The following RTN4 variants were observed in gnomAD, a reference collection of about 807,000 sequenced individuals.
The protein encoded by RTN4 is reticulon-4.
Under a neutral mutation model 90.4 loss-of-function variants are expected in RTN4, and 32 were observed. The ratio of observed to expected loss-of-function variants is 0.35; its 90% CI spans 0.27 to 0.48. The LOEUF is 0.48. RTN4 is among the 20% of genes least tolerant of loss of function. The pLI is 0.99. For missense variants in RTN4, 1,706 were observed against 1,430.2 expected (o/e 1.19, Z -3.11); for synonymous variants, 629 against 552.5 (o/e 1.14, Z -1.94).
chr2:55,126,053 T>C, the RTN4 span, among the ~76,000 whole-genome samples: 3 of 100,040 alleles, frequency 3.0e-5, no homozygotes, highest in Admixed American at 1.4e-4. Flanking sequence ...AGAGCGAGAC[T>C]CCGTCTCAAA....
At chr2:55,016,322 C>G (rs1263812675) in intron 3 of RTN4, among the ~76,000 whole-genome samples, 1 of 152,134 alleles carries the variant, frequency 6.6e-6, no homozygotes, top group East Asian at 1.9e-4. Flanking sequence ...CTGGTTCATG[C>G]CTTTAATCCC....
At chr2:54,988,931 G>T (rs921204580) in intron 3 of RTN4, among the ~76,000 whole-genome samples, 3 of 152,138 alleles carry the variant, frequency 2.0e-5, no homozygotes, top group African/African-American at 7.2e-5. Flanking sequence ...TTCATAGGCT[G>T]ATGTAATTAA....
rs141079866 is a variant in RTN4, at chr2:55,025,265, G to A, written c.2834C>T (p.Thr945Ile). Residue 945 changes from threonine to isoleucine, a missense_variant, in exon 3 of 9, where the codon ACA becomes ATA. Physicochemically the swap from Thr to Ile is moderately conservative, Grantham distance 89. Transcript: ENST00000337526. ...TGGAGGCAATAAGAGCACCTTTGATGTAGCAGACCCATTTTTAGAAAAGTC... is the reference window on the plus strand; with the variant it reads ...TGGAGGCAATAAGAGCACCTTTGATATAGCAGACCCATTTTTAGAAAAGTC... ...SDDFSKNGSA[T>I]SKVLLLPPDV... is the part of the protein sequence containing the mutation. 482 of 1,613,760 alleles carry A rather than the reference G, an allele frequency of 3.0e-4. No individual in the cohort carries two copies. The highest frequency in any genetic ancestry group is 3.9e-4 in the Non-Finnish European group (458 of 1,179,862).
At position 55,068,063 on chromosome 2, in the gene RTN4, A is replaced by G. The variant is rs537918663; in HGVS notation, c.-63+12426T>C. On this transcript the variant is annotated intron_variant, in intron 2 of 3. Coordinates refer to the RTN4 transcript ENST00000427710. ...TGTTGAAATCTGTTGTTTTGGTTGAAGTATATGAAGAAAATTTGGCCTTAA... is the reference window on the plus strand; with the variant it reads ...TGTTGAAATCTGTTGTTTTGGTTGAGGTATATGAAGAAAATTTGGCCTTAA... Among the ~76,000 whole-genome samples the G allele has an allele frequency of 2.0e-5, 3 of 152,322 alleles. No homozygotes were observed. In the South Asian group the frequency reaches 6.2e-4, roughly 32 times the overall value.
upstream of RTN4, among the ~76,000 whole-genome samples, chr2:55,113,080 A>G (rs1243543697): frequency 1.3e-5 from 2 of 152,108 alleles, no homozygotes; most frequent in African/African-American, 2.4e-5. Context: ...GGCCCCAAAA[A>G]CCACCAGCAC....
intron 3 of RTN4, among the ~76,000 whole-genome samples, chr2:55,004,812 T>C (rs1680090608): frequency 6.6e-6 from 1 of 151,816 alleles, no homozygotes; most frequent in Non-Finnish European, 1.5e-5. Context: ...TAAATAATTG[T>C]AATAGAAAGT....
intron 1 of RTN4, among the ~76,000 whole-genome samples, chr2:55,091,200 A>G (rs1668929482): frequency 6.6e-6 from 1 of 152,130 alleles, no homozygotes; most frequent in Admixed American, 6.6e-5. Flanking sequence ...ATTTACAATC[A>G]TTCATGGCTT....
At chr2:55,006,885 A>G (rs1680266726) in intron 3 of RTN4, among the ~76,000 whole-genome samples, 1 of 152,044 alleles carries the variant, frequency 6.6e-6, no homozygotes, top group Non-Finnish European at 1.5e-5. Flanking sequence ...AGACCTCCAT[A>G]ACGCAGGTTT....
intron 3 of RTN4, among the ~76,000 whole-genome samples, chr2:54,998,752 T>A (rs1272950010): frequency 6.6e-6 from 1 of 152,180 alleles, no homozygotes; most frequent in Non-Finnish European, 1.5e-5. Flanking sequence ...CAAATTAAAA[T>A]AAAGGACACC....
At chr2:55,096,858 G>A (rs952261572) in intron 1 of RTN4, among the ~76,000 whole-genome samples, 6 of 150,834 alleles carry the variant, frequency 4.0e-5, no homozygotes, top group African/African-American at 9.8e-5. Flanking sequence ...CAAAAAATAC[G>A]AAGAAAGGCT....
At chr2:55,132,985 G>T in the RTN4 span, among the ~76,000 whole-genome samples, 2 of 151,946 alleles carry the variant, frequency 1.3e-5, no homozygotes, top group Admixed American at 6.6e-5. Context: ...GCCGAGGCAG[G>T]TGGATCACTT....
upstream of RTN4, among the ~76,000 whole-genome samples, chr2:55,115,482 G>A (rs1255912915): frequency 6.6e-6 from 1 of 152,180 alleles, no homozygotes; most frequent in Non-Finnish European, 1.5e-5. Flanking sequence ...TTAGGATGTG[G>A]ACATCTATGG....
intron 1 of RTN4, among the ~76,000 whole-genome samples, chr2:55,038,599 A>G (rs1169918334): frequency 6.6e-6 from 1 of 152,264 alleles, no homozygotes; most frequent in Non-Finnish European, 1.5e-5. Context: ...TAAAATGGTT[A>G]GAATTTAAAA....
At position 54,972,845 on chromosome 2, in the gene RTN4, C is replaced by T. The variant is rs943665199; in HGVS notation, c.*311G>A. On this transcript the variant is annotated 3_prime_UTR_variant, in exon 9 of 9. Transcript: ENST00000337526. ...ACCATCTCTGCAACTTGCCAAGATG[C>T]GGCAAGACTATCTGCAACAAAGTAA... is the stretch of plus-strand genomic sequence containing the variant. The T allele has an allele frequency of 8.2e-6, 2 of 243,168 alleles. No individual in the cohort carries two copies. The highest frequency in any genetic ancestry group is 5.6e-5 in the Admixed American group (1 of 17,936). 15.1% of individuals were successfully genotyped at this position (243,168 alleles called of 1,614,324 possible). A position where few individuals can be genotyped will look rare whatever the true frequency, so the allele number is the denominator to read the frequency against.
intron 4 of RTN4, among the ~76,000 whole-genome samples, chr2:54,986,600 G>C: frequency 6.6e-6 from 1 of 152,140 alleles, no homozygotes; most frequent in East Asian, 1.9e-4. Flanking sequence ...CTTTATATGA[G>C]ATGAAAACAA....
At chr2:55,030,059 CT>C (rs1682192000) in intron 1 of RTN4, among the ~76,000 whole-genome samples, 1 of 152,048 alleles carries the variant, frequency 6.6e-6, no homozygotes, top group Non-Finnish European at 1.5e-5. Flanking sequence ...AAATGGTTGT[CT>C]TTTTTATCTA....
intron 2 of RTN4, among the ~76,000 whole-genome samples, chr2:55,077,103 C>A (rs1223909736): frequency 2.6e-5 from 4 of 151,534 alleles, no homozygotes; most frequent in African/African-American, 9.7e-5. Flanking sequence ...AGCTCTGCCT[C>A]CTGGGTTCAT....
intron 2 of RTN4, among the ~76,000 whole-genome samples, chr2:55,070,563 A>AAAAGAAAG (rs1184353401): frequency 2.0e-5 from 3 of 148,516 alleles, no homozygotes; most frequent in Admixed American, 6.7e-5. Flanking sequence ...AAAAAAAAAA[A>AAAAGAAAG]AAAGAAAGAA....
At chr2:55,045,553 G>A (rs78851350) in intron 1 of RTN4, among the ~76,000 whole-genome samples, 46 of 151,926 alleles carry the variant, frequency 3.0e-4, no homozygotes, top group African/African-American at 1.1e-3. Context: ...CTGCTTTCAC[G>A]GTGCCTTGCC....
Sources: gnomAD v4.1 joint callset for allele counts (sites outside exome capture counted in the v4.1 genomes callset) on GRCh38, gnomAD v4.1.1 for gene constraint, MANE v1.5 for transcripts, NCBI Gene and HGNC (gene_info 2026-07-23, HGNC 2026-07-21) for gene names.